Variants in MYO1H observed in about 807,000 individuals in gnomAD.
MYO1H encodes myosin IH.
MYO1H carries 118 observed loss-of-function variants against 149.3 expected under a neutral mutation model. That is an observed-to-expected ratio of 0.79 (90% CI 0.68 to 0.92). MYO1H has a LOEUF of 0.92. Ranked by LOEUF, MYO1H falls within the 40% of genes least tolerant of loss-of-function variation. The pLI is 0.00. For missense variants in MYO1H, 1,212 were observed against 1,280.7 expected (o/e 0.95, Z 0.82); for synonymous variants, 447 against 465.2 (o/e 0.96, Z 0.50).
chr12:109,370,054 G>A (rs1320373332), intron 1 of MYO1H, among the ~76,000 whole-genome samples: 2 of 152,044 alleles, frequency 1.3e-5, no homozygotes, highest in South Asian at 4.1e-4. Flanking sequence ...GGGAAGACCC[G>A]CCCCCGTGAT....
intron 10 of MYO1H, among the ~76,000 whole-genome samples, chr12:109,409,225 T>TTCC (rs1566031713): frequency 9.5e-6 from 1 of 105,096 alleles, no homozygotes; most frequent in Non-Finnish European, 1.9e-5. Context: ...CCTTCTTCTT[T>TTCC]TTCTTCTTCT....
exon 23 of MYO1H, chr12:109,438,597 G>A (rs1181871477): frequency 6.2e-7 from 1 of 1,613,038 alleles, no homozygotes. Context: ...AAAGGAGAAA[G>A]TGGGCCGTGC....
chr12:109,442,625 G>A (rs1008564488), intron 27 of MYO1H, among the ~76,000 whole-genome samples: 1 of 152,096 alleles, frequency 6.6e-6, no homozygotes, highest in African/African-American at 2.4e-5. Context: ...CGTAGCAGCC[G>A]TGAGATCCTG....
intron 9 of MYO1H, among the ~76,000 whole-genome samples, chr12:109,407,152 A>G (rs546843663): frequency 6.6e-6 from 1 of 151,762 alleles, no homozygotes; most frequent in East Asian, 2.0e-4. Flanking sequence ...TTATCTAGTT[A>G]ACTCCTCTTC....
intron 27 of MYO1H, among the ~76,000 whole-genome samples, chr12:109,443,125 CGTAT>C (rs1370360148): frequency 2.9e-4 from 11 of 37,600 alleles, no homozygotes; most frequent in African/African-American, 3.5e-4. Context: ...TATATGTGTA[CGTAT>C]ATATGTGTGT....
intron 24 of MYO1H, 126 bp downstream of exon 24, chr12:109,439,916 C>A: frequency 2.5e-6 from 2 of 813,972 alleles, no homozygotes; most frequent in East Asian, 2.7e-5. Flanking sequence ...CCCTTCTTCC[C>A]AAGGATGCTG....
At chr12:109,420,015 T>C (rs1871105518) in intron 15 of MYO1H, among the ~76,000 whole-genome samples, 1 of 152,240 alleles carries the variant, frequency 6.6e-6, no homozygotes, top group Non-Finnish European at 1.5e-5. Flanking sequence ...CTGAAGATGC[T>C]GTTGGGTACC....
chr12:109,430,657 G>A (rs1566039812), intron 19 of MYO1H, among the ~76,000 whole-genome samples: 1 of 152,202 alleles, frequency 6.6e-6, no homozygotes, highest in Non-Finnish European at 1.5e-5. Context: ...CACTGGACAT[G>A]GTAGCTCATG....
At chr12:109,310,778 T>A in the MYO1H span, among the ~76,000 whole-genome samples, 1 of 152,212 alleles carries the variant, frequency 6.6e-6, no homozygotes, top group Non-Finnish European at 1.5e-5. Context: ...TCCTCCTTTC[T>A]TCTCTGCCAG....
intron 20 of MYO1H, 22 bp downstream of exon 20, chr12:109,433,032 A>G: frequency 6.4e-7 from 1 of 1,565,722 alleles, no homozygotes; most frequent in Non-Finnish European, 8.8e-7. Flanking sequence ...GAAGACCACC[A>G]AATGGTCTCT....
rs1872172023 is a variant in MYO1H at position 109,442,289 on chromosome 12, CCT to C, written c.2688+19_2688+20del. On this transcript the variant is annotated intron_variant, in intron 27 of 31. Coordinates refer to ENST00000310903, the Ensembl canonical transcript of MYO1H. Reference sequence around the variant, plus strand: ...AAAATCCAGGTAAGGCGATGTGTGTCCTCAGTCTCAAACAGGATTCCCTCATC... The same window carrying C: ...AAAATCCAGGTAAGGCGATGTGTGTCCAGTCTCAAACAGGATTCCCTCATC... 1 of 1,610,942 alleles carries C rather than the reference CCT, an allele frequency of 6.2e-7. No individual in the cohort carries two copies. Among genetic ancestry groups the C allele is most frequent in the African/African-American group, 1.3e-5 (1 of 74,846 alleles).
At chr12:109,442,384 C>G in intron 27 of MYO1H, 112 bp downstream of exon 27, 1 of 826,048 alleles carries the variant, frequency 1.2e-6, no homozygotes, top group Non-Finnish European at 2.0e-6. Context: ...TGCAGCTGGG[C>G]AGCTGGGGCT....
At chr12:109,328,777 G>T in the MYO1H span, among the ~76,000 whole-genome samples, 2 of 152,026 alleles carry the variant, frequency 1.3e-5, no homozygotes, top group South Asian at 4.2e-4. Context: ...TTTTCCAGCT[G>T]TATTTGAGGT....
At chr12:109,442,775 C>T (rs1168073400) in intron 27 of MYO1H, among the ~76,000 whole-genome samples, 2 of 140,456 alleles carry the variant, frequency 1.4e-5, no homozygotes, top group African/African-American at 2.6e-5. Context: ...CCCTGGTGAT[C>T]GTGTGTGCCA....
chr12:109,418,791 G>A (rs938495930), intron 15 of MYO1H, among the ~76,000 whole-genome samples: 3 of 152,034 alleles, frequency 2.0e-5, no homozygotes, highest in Non-Finnish European at 2.9e-5. Context: ...TGATCCACCC[G>A]CCTCAGCCTC....
intron 1 of MYO1H, among the ~76,000 whole-genome samples, chr12:109,354,589 C>T (rs1162924418): frequency 6.9e-6 from 1 of 145,658 alleles, no homozygotes; most frequent in African/African-American, 2.6e-5. Context: ...CACTGCACTC[C>T]AGCCTGGGTG....
chr12:109,431,589 C>G (rs551840636), intron 19 of MYO1H, among the ~76,000 whole-genome samples: 17 of 152,270 alleles, frequency 1.1e-4, no homozygotes, highest in African/African-American at 3.6e-4. Flanking sequence ...CGGAGCTGGG[C>G]TGGAACCCAG....
intron 5 of MYO1H, 71 bp from the exon 6 acceptor site, chr12:109,401,022 G>T: frequency 7.4e-7 from 1 of 1,360,076 alleles, no homozygotes; most frequent in Non-Finnish European, 1.0e-6. Flanking sequence ...AGAACTTCGG[G>T]CCATCAGGAG....
At chr12:109,365,215 G>A (rs1868842380) in intron 1 of MYO1H, among the ~76,000 whole-genome samples, 1 of 152,180 alleles carries the variant, frequency 6.6e-6, no homozygotes, top group Non-Finnish European at 1.5e-5. Context: ...GTTCAAGGCT[G>A]CAGTGAGCTA....
Sources: gnomAD v4.1 joint callset for allele counts (sites outside exome capture counted in the v4.1 genomes callset) on GRCh38, gnomAD v4.1.1 for gene constraint, MANE v1.5 for transcripts, NCBI Gene and HGNC (gene_info 2026-07-23, HGNC 2026-07-21) for gene names.